Variants in DPYSL2 observed in about 807,000 individuals in gnomAD.
DPYSL2 encodes dihydropyrimidinase-related protein 2.
Under a neutral mutation model 69.9 loss-of-function variants are expected in DPYSL2, and 13 were observed. The ratio of observed to expected loss-of-function variants is 0.19; its 90% CI spans 0.12 to 0.30. The LOEUF (loss-of-function observed/expected upper bound fraction) is 0.30, where lower values mean the gene tolerates loss of function less well. Ranked by LOEUF, DPYSL2 falls within the 10% of genes least tolerant of loss-of-function variation. The probability of loss-of-function intolerance (pLI) is 1.00; values close to 1 mark genes in which losing one functional copy is unlikely to be tolerated. For synonymous variants in DPYSL2, 326 were observed against 359.1 expected, an observed-to-expected ratio of 0.91 and a Z score of 1.04; for missense variants, 587 against 918.9, an observed-to-expected ratio of 0.64 and a Z score of 4.67.
In DPYSL2 at chr8:26,580,335, C is replaced by T. The variant is rs1206270476; in HGVS notation, c.355-1634C>T. ...CCTAACCTCTCTGAGCCTCAGTTTC[C>T]TTATGTGTCATGGGAATAGAACCTG... is the stretch of plus-strand genomic sequence containing the variant. On this transcript the variant is annotated intron_variant, in intron 1 of 13. Transcript: ENST00000521913. The surrounding 1 kb of genome is among the most constrained non-coding windows in gnomAD (Gnocchi z 4.1). Among the ~76,000 whole-genome samples, 1 of 152,140 alleles carries T rather than the reference C, an allele frequency of 6.6e-6. No individual in the cohort carries two copies. Among genetic ancestry groups the T allele is most frequent in the Non-Finnish European group, 1.5e-5 (1 of 68,024 alleles).
In DPYSL2 at chr8:26,657,112, G is replaced by A. The variant is rs1289812153; in HGVS notation, c.*1406G>A. ...CTAAAGACACACTACATAGAAAGAG[G>A]CCCTATAAACTCAAAAAGTCATTGG... On this transcript the variant is annotated 3_prime_UTR_variant, in exon 14 of 14. Transcript: ENST00000521913. 1 of 152,260 alleles carries A rather than the reference G, an allele frequency of 6.6e-6. No homozygotes were observed. The highest frequency in any genetic ancestry group is 1.5e-5 in the Non-Finnish European group (1 of 68,042). 9.4% of individuals were successfully genotyped at this position (152,260 alleles called of 1,614,324 possible).
chr8:26,622,149 CCTT>C (rs1563413380), intron 3 of DPYSL2, among the ~76,000 whole-genome samples: 668 of 55,964 alleles, frequency 0.012, 3 homozygotes, highest in African/African-American at 0.025. Flanking sequence ...TTCCTTCCTT[CCTT>C]CCTTCCCTCT....
In DPYSL2 at chr8:26,529,728, ATTTTT is replaced by A. The variant is rs71216757; in HGVS notation, c.354+15066_354+15070del. The stretch of plus-strand genomic sequence containing the variant: ...GCTGGATTTTTAAATTTTAACCGTA[ATTTTT>A]TTTTTTTTTTTTTTTTACAAATGAA... On this transcript the variant is annotated intron_variant, in intron 1 of 13. Coordinates refer to ENST00000521913, the MANE Select transcript of DPYSL2 (RefSeq NM_001197293.3). Among the ~76,000 whole-genome samples, 448 of 135,468 alleles carry A rather than the reference ATTTTT, an allele frequency of 3.3e-3. 1 individual carries two copies. Among genetic ancestry groups the A allele is most frequent in the African/African-American group, 0.011 (402 of 35,940 alleles). 88.9% of individuals were successfully genotyped at this position (135,468 alleles called of 152,430 possible).
rs1012184627 is a variant in DPYSL2 at position 26,648,988 on chromosome 8, A to C, written c.1596+1188A>C. ...GATCGCGCCCCTTACAGCCCAGATCATGACTTCTTGGGTGTCCTGACTGGC... is the reference window on the plus strand; with the variant it reads ...GATCGCGCCCCTTACAGCCCAGATCCTGACTTCTTGGGTGTCCTGACTGGC... On this transcript the variant is annotated intron_variant, in intron 11 of 13. Transcript: ENST00000521913. This position sits in a 1 kb window ranked among gnomAD's most constrained non-coding sequence, Gnocchi z 4.3. 6.6e-6 allele frequency among the ~76,000 whole-genome samples: 1 copy of C among 152,204 alleles called. No individual in the cohort carries two copies. The highest frequency in any genetic ancestry group is 6.5e-5 in the Admixed American group (1 of 15,276).
chr8:26,558,871 A>T (rs536769276), intron 1 of DPYSL2, among the ~76,000 whole-genome samples: 97 of 152,348 alleles, frequency 6.4e-4, no homozygotes, highest in African/African-American at 2.2e-3. Context: ...TAAAAAATTA[A>T]TAGTTATATG....
chr8:26,579,172 G>C (rs112460205), intron 1 of DPYSL2, among the ~76,000 whole-genome samples: 49 of 152,386 alleles, frequency 3.2e-4, no homozygotes, highest in African/African-American at 1.2e-3. Flanking sequence ...GCCCCGGCCA[G>C]ACAATGATCG....
Position 26,647,951 on chromosome 8 carries a change from A to AG in DPYSL2, c.1596+152dup. 1.1e-6 allele frequency: 1 copy of AG among 951,330 alleles called. No individual in the cohort carries two copies. Among genetic ancestry groups the AG allele is most frequent in the Non-Finnish European group, 1.5e-6 (1 of 656,688 alleles). The allele number at this position is 951,330 out of a possible 1,614,324, so 58.9% of individuals were successfully genotyped here. ...TTATGATTTGCAATTTGCTGGGAAA[A>AG]GAATAGTTATTTCATTTTCTTTAGT... is the stretch of plus-strand genomic sequence containing the variant. On this transcript the variant is annotated intron_variant, in intron 11 of 13. Coordinates refer to ENST00000521913, the MANE Select transcript of DPYSL2 (RefSeq NM_001197293.3). This position sits in a 1 kb window ranked among gnomAD's most constrained non-coding sequence, Gnocchi z 5.1.
chr8:26,550,159 T>C (rs1410262191), intron 1 of DPYSL2, among the ~76,000 whole-genome samples: 1 of 152,140 alleles, frequency 6.6e-6, no homozygotes, highest in Non-Finnish European at 1.5e-5. Flanking sequence ...GATGGGAGCA[T>C]TGGGAATACT....
intron 3 of DPYSL2, among the ~76,000 whole-genome samples, chr8:26,592,929 T>C (rs545426228): frequency 1.3e-5 from 2 of 152,322 alleles, no homozygotes; most frequent in South Asian, 4.1e-4. Flanking sequence ...CCTTTCTCTC[T>C]TCTTAAGAAG....
At chr8:26,535,635 ATTTTT>A (rs1011684866) in intron 1 of DPYSL2, among the ~76,000 whole-genome samples, 2 of 145,872 alleles carry the variant, frequency 1.4e-5, no homozygotes, top group African/African-American at 5.3e-5. Flanking sequence ...ATATATATAT[ATTTTT>A]TTTTTCAGTG....
intron 1 of DPYSL2, among the ~76,000 whole-genome samples, chr8:26,567,788 C>T (rs1298469731): frequency 6.6e-6 from 1 of 152,190 alleles, no homozygotes; most frequent in African/African-American, 2.4e-5. Flanking sequence ...GATGGTGCCC[C>T]CGGTGAGGTA....
chr8:26,602,193 C>A (rs1490556944), intron 3 of DPYSL2, among the ~76,000 whole-genome samples: 1 of 140,256 alleles, frequency 7.1e-6, no homozygotes, highest in Admixed American at 7.5e-5. Flanking sequence ...TTTTTAGGAG[C>A]GTATTAGATA....
rs776278802 is a variant in DPYSL2, at chr8:26,643,461, C to T, written c.1149C>T (p.Pro383=). Residue 383 remains proline, a synonymous_variant, in exon 9 of 14, where the codon CCC becomes CCT. Coordinates refer to ENST00000521913, the MANE Select transcript of DPYSL2 (RefSeq NM_001197293.3). The surrounding 1 kb of genome is among the most constrained non-coding windows in gnomAD (Gnocchi z 6.5). ...CAGGAACTGTGGTGTATGGCGAGCC[C>T]ATCACTGCCAGCTTGGGAACGGACG... The part of the protein sequence containing the change: ...RKKGTVVYGE[P]ITASLGTDGS... 10 of 1,603,846 alleles carry T rather than the reference C, an allele frequency of 6.2e-6. No individual in the cohort carries two copies. Among genetic ancestry groups the T allele is most frequent in the African/African-American group, 2.7e-5 (2 of 74,874 alleles).
At chr8:26,630,115 C>T (rs141489477) in intron 7 of DPYSL2, among the ~76,000 whole-genome samples, 3 of 152,314 alleles carry the variant, frequency 2.0e-5, no homozygotes, top group Non-Finnish European at 2.9e-5. Context: ...CACATATACA[C>T]ATGTACAAGC....
At position 26,591,943 on chromosome 8, in the gene DPYSL2, G is replaced by T. The variant is rs765902897; in HGVS notation, c.628+7960G>T. ...AGGGGAAAGGGTGTTTAGTAAGCAG[G>T]CATATACCCACGGAGTCGCTTAAGA... On this transcript the variant is annotated intron_variant, in intron 3 of 13. Transcript: ENST00000521913. The surrounding 1 kb of genome is among the most constrained non-coding windows in gnomAD (Gnocchi z 5.8). 1.3e-5 allele frequency among the ~76,000 whole-genome samples: 2 copies of T among 152,156 alleles called. No homozygotes were observed. Among genetic ancestry groups the T allele is most frequent in the Admixed American group, 6.5e-5 (1 of 15,276 alleles).
chr8:26,599,930 C>G (rs1382822457), intron 3 of DPYSL2, among the ~76,000 whole-genome samples: 2 of 152,134 alleles, frequency 1.3e-5, no homozygotes, highest in African/African-American at 4.8e-5. Flanking sequence ...CCACCTCTCC[C>G]CTTGCACCCC....
Position 26,598,584 on chromosome 8 carries a change from C to T in DPYSL2, c.628+14601C>T, listed in dbSNP as rs180677264. On this transcript the variant is annotated intron_variant, in intron 3 of 13. Transcript: ENST00000521913. This position sits in a 1 kb window ranked among gnomAD's most constrained non-coding sequence, Gnocchi z 4.2. ...CCCCCACCTTGGTGAGCACCTTTCC[C>T]CCCAGGCACAGTCCCTGCTTACGGG... Among the ~76,000 whole-genome samples, 1 of 152,360 alleles carries T rather than the reference C, an allele frequency of 6.6e-6. No individual in the cohort carries two copies. The highest frequency in any genetic ancestry group is 2.4e-5 in the African/African-American group (1 of 41,592).
chr8:26,527,284 T>A (rs1808494726), intron 1 of DPYSL2, among the ~76,000 whole-genome samples: 2 of 152,248 alleles, frequency 1.3e-5, no homozygotes, highest in Non-Finnish European at 2.9e-5. Context: ...TAAGTTATAT[T>A]CTCTGGTATT....
intron 1 of DPYSL2, among the ~76,000 whole-genome samples, chr8:26,569,919 G>T (rs541129666): frequency 1.3e-5 from 2 of 152,266 alleles, no homozygotes; most frequent in South Asian, 4.1e-4. Flanking sequence ...AGAAGGGTAA[G>T]ATCAGTCGGG....
Sources: gnomAD v4.1 joint callset for allele counts (sites outside exome capture counted in the v4.1 genomes callset) on GRCh38, gnomAD v4.1.1 for gene constraint, Gnocchi (gnomAD v3.1) non-coding constraint, MANE v1.5 for transcripts, NCBI Gene and HGNC (gene_info 2026-07-23, HGNC 2026-07-21) for gene names.